Variants in PARD3B observed in about 807,000 individuals in gnomAD.
PARD3B encodes the protein partitioning defective 3 homolog B.
PARD3B carries 103 observed loss-of-function variants against 130.2 expected under a neutral mutation model. The observed-to-expected ratio is 0.79, with a 90% CI of 0.67 to 0.93. The LOEUF is 0.93. Among genes scored for constraint, PARD3B ranks in the 40% least tolerant of loss-of-function variants. The probability of loss-of-function intolerance (pLI) is 0.00; values close to 1 mark genes in which losing one functional copy is unlikely to be tolerated. For synonymous variants in PARD3B, 583 were observed against 553.2 expected, an observed-to-expected ratio of 1.05 and a Z score of -0.76; for missense variants, 1,609 against 1,499.2, an observed-to-expected ratio of 1.07 and a Z score of -1.21.
intron 2 of PARD3B, among the ~76,000 whole-genome samples, chr2:204,766,458 G>A (rs2041152951): frequency 6.6e-6 from 1 of 152,006 alleles, no homozygotes; most frequent in Non-Finnish European, 1.5e-5. Flanking sequence ...ATTGTCATTA[G>A]CCTGAAGTTT....
chr2:205,039,410 C>G (rs2082622), intron 3 of PARD3B, among the ~76,000 whole-genome samples: 26,600 of 152,078 alleles, frequency 0.17, 2,896 homozygotes, highest in East Asian at 0.38. Flanking sequence ...ACCATACCTT[C>G]CTTTTACCTG....
chr2:204,545,869 C>T lies in PARD3B; in HGVS notation c.-131C>T. 2 of 1,058,674 alleles carry T rather than the reference C, an allele frequency of 1.9e-6. No individual in the cohort carries two copies. Among genetic ancestry groups the T allele is most frequent in the Non-Finnish European group, 2.6e-6 (2 of 783,530 alleles). 65.6% of individuals were successfully genotyped at this position (1,058,674 alleles called of 1,614,324 possible). On this transcript the variant is annotated 5_prime_UTR_variant, in exon 1 of 23. Transcript: ENST00000406610. ...GGCGCTGCCGCGAGCCTCCGGGCCT[C>T]AGGGTGTTCCGGGGAGCGGCGCCCC... is the stretch of plus-strand genomic sequence containing the variant.
intron 18 of PARD3B, among the ~76,000 whole-genome samples, chr2:205,368,846 G>A (rs1467560912): frequency 1.7e-5 from 2 of 120,486 alleles, no homozygotes; most frequent in African/African-American, 5.6e-5. Flanking sequence ...TCAATTCAGG[G>A]GAGCTTGGGA....
chr2:204,999,471 A>C lies in PARD3B; in HGVS notation c.394+34148A>C, dbSNP rs114529634. 3.1e-3 allele frequency among the ~76,000 whole-genome samples: 474 copies of C among 152,320 alleles called. 4 individuals carry two copies. The highest frequency in any genetic ancestry group is 0.01 in the African/African-American group (436 of 41,568). On this transcript the variant is annotated intron_variant, in intron 3 of 22. Coordinates refer to ENST00000406610, the MANE Select transcript of PARD3B (RefSeq NM_001302769.2). ...TTGCTATAGAATGTACCAAGAAACTATTTAAAATTGAATTCTGAGCTTTGA... is the reference window on the plus strand; with the variant it reads ...TTGCTATAGAATGTACCAAGAAACTCTTTAAAATTGAATTCTGAGCTTTGA...
intron 2 of PARD3B, among the ~76,000 whole-genome samples, chr2:204,866,118 A>G (rs935251624): frequency 6.6e-6 from 1 of 152,180 alleles, no homozygotes; most frequent in African/African-American, 2.4e-5. Flanking sequence ...CAGTATTTCT[A>G]GAATTTTGCT....
rs959646676 is a variant in PARD3B, at chr2:205,011,704, T to G, written c.395-35877T>G. Among the ~76,000 whole-genome samples the G allele has an allele frequency of 3.9e-5, 6 of 152,116 alleles. No homozygotes were observed. Among genetic ancestry groups the G allele is most frequent in the African/African-American group, 1.4e-4 (6 of 41,414 alleles). ...CTCTCCATGTGCCTTACCTGAAGAT[T>G]TAAGCCTGGGTGACAGTGTTTAGGG... On this transcript the variant is annotated intron_variant, in intron 3 of 22. Coordinates refer to ENST00000406610, the MANE Select transcript of PARD3B (RefSeq NM_001302769.2). This position sits in a 1 kb window ranked among gnomAD's most constrained non-coding sequence, Gnocchi z 4.1.
At chr2:205,573,273 G>A (rs1262389081) in intron 22 of PARD3B, among the ~76,000 whole-genome samples, 1 of 152,172 alleles carries the variant, frequency 6.6e-6, no homozygotes, top group Non-Finnish European at 1.5e-5. Context: ...AAGGAGCTGA[G>A]CTGACCTGTT....
At chr2:204,949,145 T>G (rs1206746609) in intron 2 of PARD3B, among the ~76,000 whole-genome samples, 1 of 152,234 alleles carries the variant, frequency 6.6e-6, no homozygotes, top group Non-Finnish European at 1.5e-5. Context: ...GACTATTCTG[T>G]GTTTCTATGG....
rs1316125661 is a variant in PARD3B, at chr2:205,244,761, C to T, written c.2141-1017C>T. ...CTTCAGTAATTGTGTCTTTTAAAAA[C>T]GAATCCGTTTCATCAGAGCTCCATT... is the stretch of plus-strand genomic sequence containing the variant. On this transcript the variant is annotated intron_variant, in intron 15 of 22. Coordinates refer to ENST00000406610, the MANE Select transcript of PARD3B (RefSeq NM_001302769.2). This position sits in a 1 kb window ranked among gnomAD's most constrained non-coding sequence, Gnocchi z 4.7. 2.0e-5 allele frequency among the ~76,000 whole-genome samples: 3 copies of T among 151,928 alleles called. No individual in the cohort carries two copies. The highest frequency in any genetic ancestry group is 2.1e-4 in the South Asian group (1 of 4,822).
intron 21 of PARD3B, among the ~76,000 whole-genome samples, chr2:205,552,736 T>C (rs2052705201): frequency 6.6e-6 from 1 of 152,078 alleles, no homozygotes; most frequent in Non-Finnish European, 1.5e-5. Context: ...TTTAAAAATA[T>C]GGTCTTTTCA....
intron 15 of PARD3B, among the ~76,000 whole-genome samples, chr2:205,196,017 G>A (rs2036663362): frequency 6.6e-6 from 1 of 152,088 alleles, no homozygotes; most frequent in African/African-American, 2.4e-5. Flanking sequence ...ATCTGCTCAA[G>A]CTATTTTAAA....
intron 3 of PARD3B, among the ~76,000 whole-genome samples, chr2:205,024,490 T>A (rs529647493): frequency 6.6e-6 from 1 of 152,254 alleles, no homozygotes; most frequent in South Asian, 2.1e-4. Flanking sequence ...TCCTCCAGAT[T>A]GTGCCTCATA....
At chr2:205,544,523 A>C (rs1459772675) in intron 21 of PARD3B, among the ~76,000 whole-genome samples, 1 of 152,134 alleles carries the variant, frequency 6.6e-6, no homozygotes, top group Non-Finnish European at 1.5e-5. Context: ...CCACAATCAT[A>C]GTTTCTATGG....
chr2:205,435,764 GTT>G (rs1559091111), intron 19 of PARD3B, among the ~76,000 whole-genome samples: 3 of 151,814 alleles, frequency 2.0e-5, no homozygotes, highest in Non-Finnish European at 4.4e-5. Context: ...ATTTTCATTA[GTT>G]TTTTCTATAT....
At chr2:204,867,635 C>A (rs2045476830) in intron 2 of PARD3B, among the ~76,000 whole-genome samples, 1 of 152,034 alleles carries the variant, frequency 6.6e-6, no homozygotes, top group Non-Finnish European at 1.5e-5. Context: ...AAATATTATA[C>A]CCCTATTGAC....
intron 11 of PARD3B, among the ~76,000 whole-genome samples, chr2:205,161,436 G>A (rs898173205): frequency 3.3e-5 from 5 of 152,166 alleles, no homozygotes; most frequent in African/African-American, 9.7e-5. Flanking sequence ...TGAATGTTTA[G>A]TATCCATTTG....
chr2:205,390,958 G>GT (rs1006960220), intron 18 of PARD3B, among the ~76,000 whole-genome samples: 1 of 152,274 alleles, frequency 6.6e-6, no homozygotes, highest in Admixed American at 6.5e-5. Flanking sequence ...ACATGAGTCA[G>GT]TTTTTTCCTT....
At chr2:205,474,187 T>C (rs1054645825) in intron 20 of PARD3B, among the ~76,000 whole-genome samples, 1 of 152,116 alleles carries the variant, frequency 6.6e-6, no homozygotes, top group Non-Finnish European at 1.5e-5. Context: ...TTTAAAGATA[T>C]ACTTTTATTT....
chr2:205,164,937 C>CAT (rs10651163), intron 11 of PARD3B, among the ~76,000 whole-genome samples: 60,436 of 151,406 alleles, frequency 0.4, 12,692 homozygotes, highest in Middle Eastern at 0.52. Context: ...CATATACACA[C>CAT]GTTTTTGTTC....
Sources: gnomAD v4.1 joint callset for allele counts (sites outside exome capture counted in the v4.1 genomes callset) on GRCh38, gnomAD v4.1.1 for gene constraint, Gnocchi (gnomAD v3.1) non-coding constraint, MANE v1.5 for transcripts, NCBI Gene and HGNC (gene_info 2026-07-23, HGNC 2026-07-21) for gene names.